Variants in ITPR1 observed in about 807,000 individuals in gnomAD.
The protein encoded by ITPR1 is inositol 1,4,5-trisphosphate-gated calcium channel ITPR1.
ITPR1 carries 96 observed loss-of-function variants against 318.4 expected under a neutral mutation model. The observed-to-expected ratio is 0.30, with a 90% CI of 0.26 to 0.36. ITPR1 has a LOEUF of 0.36. Ranked by LOEUF, ITPR1 falls within the 10% of genes least tolerant of loss-of-function variation. The probability of loss-of-function intolerance (pLI) is 1.00; values close to 1 mark genes in which losing one functional copy is unlikely to be tolerated. For synonymous variants in ITPR1, 1,312 were observed against 1,289.9 expected, an observed-to-expected ratio of 1.02 and a Z score of -0.37; for missense variants, 2,440 against 3,460.2, an observed-to-expected ratio of 0.71 and a Z score of 7.40.
intron 4 of ITPR1, among the ~76,000 whole-genome samples, chr3:4,600,339 T>A (rs1343818674): frequency 6.6e-6 from 1 of 152,010 alleles, no homozygotes; most frequent in Non-Finnish European, 1.5e-5. Context: ...ATTTCTGTGG[T>A]CGTGTATTGA....
chr3:4,546,561 T>C (rs778877139), intron 4 of ITPR1, among the ~76,000 whole-genome samples: 2 of 152,154 alleles, frequency 1.3e-5, no homozygotes, highest in Non-Finnish European at 2.9e-5. Context: ...CTCTGACCAG[T>C]CAGTAGCAAA....
intron 60 of ITPR1, among the ~76,000 whole-genome samples, chr3:4,827,232 T>A (rs1482051537): frequency 3.3e-5 from 5 of 152,210 alleles, no homozygotes; most frequent in African/African-American, 1.2e-4. Context: ...GCTTGCCCTT[T>A]ACTTCCAGAC....
Position 4,702,938 on chromosome 3 carries a change from C to A in ITPR1, c.4645C>A (p.Leu1549Met), listed in dbSNP as rs1441107977. The change falls in exon 36 of 62, where the codon CTG becomes ATG. Residue 1549 changes from leucine (L) to methionine (M), a missense_variant. By Grantham distance (15) the Leu-to-Met change is conservative. Coordinates refer to ENST00000649015, the MANE Select transcript of ITPR1 (RefSeq NM_001378452.1). ...CTCCGTGGAGAGCTGTATTCGGGTG[C>A]TGTCTGATGTAGGTAAGATACCAAG... is the stretch of plus-strand genomic sequence containing the variant. ...KASVESCIRVLSDVAKSRAIA... is the reference protein window; with the variant it reads ...KASVESCIRVMSDVAKSRAIA... The A allele has an allele frequency of 6.2e-7, 1 of 1,613,670 alleles. No individual in the cohort carries two copies. Among genetic ancestry groups the A allele is most frequent in the Admixed American group, 1.7e-5 (1 of 59,994 alleles).
In ITPR1 at chr3:4,785,137, C is replaced by G. The variant is rs544063947; in HGVS notation, c.6615+1217C>G. On this transcript the variant is annotated intron_variant, in intron 51 of 61. Transcript: ENST00000649015. ...GAAAGAAACAAACAAAAAAACAAAG[C>G]CTCTGCAAAGTCATTGGTGTATCTC... 9.8e-5 allele frequency among the ~76,000 whole-genome samples: 15 copies of G among 152,314 alleles called. No individual in the cohort carries two copies. In the East Asian group the frequency reaches 2.9e-3, roughly 29 times the overall value.
intron 5 of ITPR1, 66 bp from the exon 6 acceptor site, chr3:4,639,318 C>A: frequency 3.4e-6 from 4 of 1,186,956 alleles, no homozygotes; most frequent in Non-Finnish European, 4.9e-6. Context: ...ATTTGTTCTG[C>A]GTCACTGCAG....
At chr3:4,680,795 G>A (rs1178589924) in intron 25 of ITPR1, 104 bp downstream of exon 25, 5 of 1,007,742 alleles carry the variant, frequency 5.0e-6, no homozygotes, top group Non-Finnish European at 7.1e-6. Flanking sequence ...AAATGGTTTT[G>A]AGGATTATTG....
intron 4 of ITPR1, among the ~76,000 whole-genome samples, chr3:4,526,985 C>T (rs1483388088): frequency 6.6e-6 from 1 of 152,150 alleles, no homozygotes; most frequent in Non-Finnish European, 1.5e-5. Context: ...TAAAACCTGG[C>T]CTACTGGGGA....
At chr3:4,578,361 G>A (rs1324733913) in intron 4 of ITPR1, among the ~76,000 whole-genome samples, 2 of 152,038 alleles carry the variant, frequency 1.3e-5, no homozygotes, top group African/African-American at 4.8e-5. Flanking sequence ...ATCATAGGAG[G>A]GAGCGGTTCG....
intron 4 of ITPR1, among the ~76,000 whole-genome samples, chr3:4,602,259 C>T (rs1170439657): frequency 1.3e-5 from 2 of 152,168 alleles, no homozygotes; most frequent in African/African-American, 2.4e-5. Flanking sequence ...CCTATTTACA[C>T]CTACAATTTC....
Position 4,782,569 on chromosome 3 carries a change from T to C in ITPR1, c.6388-50T>C, listed in dbSNP as rs536299697. 2.4e-5 allele frequency: 37 copies of C among 1,563,740 alleles called. No individual in the cohort carries two copies. The Admixed American group carries it at 5.9e-4, about 25-fold the overall frequency. ...TGTGCATGCTGTCCATCCAGTCCTG[T>C]GTGGGTCTTCCTTGAAACAGGATTT... On this transcript the variant is annotated intron_variant, in intron 49 of 61. Transcript: ENST00000649015.
intron 4 of ITPR1, among the ~76,000 whole-genome samples, chr3:4,523,728 T>G (rs2082746327): frequency 6.6e-6 from 1 of 152,208 alleles, no homozygotes; most frequent in South Asian, 2.1e-4. Context: ...CCGGGTTCAT[T>G]CATGTTGTCA....
At chr3:4,650,461 T>C (rs965420016) in intron 10 of ITPR1, among the ~76,000 whole-genome samples, 1 of 152,238 alleles carries the variant, frequency 6.6e-6, no homozygotes, top group Admixed American at 6.5e-5. Flanking sequence ...GTCTTTTGGC[T>C]TGCATCATTT....
rs755129922 is a variant in ITPR1, at chr3:4,669,684, C to T, written c.1917C>T (p.Val639=). The change falls in exon 19 of 62, where the codon GTC becomes GTT. Residue 639 remains valine (V), a synonymous_variant. Coordinates refer to ENST00000649015, the MANE Select transcript of ITPR1 (RefSeq NM_001378452.1). Reference sequence around the variant, plus strand: ...TAGATTACCTCTCCGACCTCTGTGTCTCCATGAACAAATCAATTCCAGTGA... The same window carrying T: ...TAGATTACCTCTCCGACCTCTGTGTTTCCATGAACAAATCAATTCCAGTGA... ...RFLDYLSDLC[V]SMNKSIPVTQ... The T allele has an allele frequency of 1.2e-6, 2 of 1,613,126 alleles. No homozygotes were observed. Among genetic ancestry groups the T allele is most frequent in the South Asian group, 1.1e-5 (1 of 91,020 alleles).
At chr3:4,566,604 GCACACACACACACA>G (rs57756103) in intron 4 of ITPR1, among the ~76,000 whole-genome samples, 5 of 140,896 alleles carry the variant, frequency 3.5e-5, no homozygotes, top group Non-Finnish European at 3.1e-5. Context: ...GGGGACACAT[GCACACACACACACA>G]CACACACACA....
intron 20 of ITPR1, 93 bp downstream of exon 20, chr3:4,671,019 C>A: frequency 3.3e-6 from 3 of 916,806 alleles, no homozygotes; most frequent in South Asian, 2.2e-5. Flanking sequence ...TTCAAGGAAT[C>A]ACAAGGAGTC....
At chr3:4,759,748 A>G (rs2045298424) in intron 44 of ITPR1, among the ~76,000 whole-genome samples, 1 of 152,152 alleles carries the variant, frequency 6.6e-6, no homozygotes, top group South Asian at 2.1e-4. Context: ...TACCCTGCTG[A>G]AAAAGGCATT....
At chr3:4,814,716 CCT>C in intron 58 of ITPR1, 154 bp downstream of exon 58, 1 of 716,926 alleles carries the variant, frequency 1.4e-6, no homozygotes, top group Non-Finnish European at 2.3e-6. Context: ...AGGCTCCTTT[CCT>C]CTCTATCACG....
chr3:4,609,250 C>G (rs546947522), intron 4 of ITPR1, among the ~76,000 whole-genome samples: 5 of 150,318 alleles, frequency 3.3e-5, no homozygotes, highest in African/African-American at 1.2e-4. Context: ...AGGTGGTGTT[C>G]TGGGGAAAAG....
chr3:4,618,854 G>C (rs954714455), intron 4 of ITPR1, among the ~76,000 whole-genome samples: 1 of 152,182 alleles, frequency 6.6e-6, no homozygotes, highest in East Asian at 1.9e-4. Context: ...TAAGCATACT[G>C]TCTCGACTAT....
Sources: allele counts gnomAD v4.1 joint callset (sites outside exome capture counted in the v4.1 genomes callset), GRCh38; gene constraint gnomAD v4.1.1; transcripts MANE v1.5; gene names NCBI Gene and HGNC (gene_info 2026-07-23, HGNC 2026-07-21).